MUCL1: variants seen among roughly 807,000 people sequenced by gnomAD.
MUCL1 encodes the protein mucin-like protein 1.
In MUCL1, 11 loss-of-function variants were observed where a neutral mutation model predicts 9.2. The ratio of observed to expected loss-of-function variants is 1.19; its 90% CI spans 0.75 to 1.97. MUCL1 has a LOEUF of 1.97. MUCL1 is among the 30% of genes most tolerant of loss of function. The pLI, the probability that MUCL1 is intolerant of heterozygous loss-of-function variation, is 0.00. For missense variants in MUCL1, 144 were observed against 110.9 expected (o/e 1.30, Z -1.34); for synonymous variants, 48 against 40.5 (o/e 1.19, Z -0.71).
chr12:54,851,419 C>A (rs1294651865), upstream of MUCL1, among the ~76,000 whole-genome samples: 2 of 152,190 alleles, frequency 1.3e-5, no homozygotes, highest in African/African-American at 4.8e-5. Flanking sequence ...ACATGATTAT[C>A]TCAATAGATG....
At chr12:54,843,042 C>T (rs900498978) in intron 1 of MUCL1, among the ~76,000 whole-genome samples, 18 of 152,264 alleles carry the variant, frequency 1.2e-4, no homozygotes, top group African/African-American at 3.9e-4. Flanking sequence ...AGCCTAGGAG[C>T]AATAGGCTAT....
At chr12:54,854,392 G>T, upstream of MUCL1, 1 of 564,128 alleles carries the variant, frequency 1.8e-6, no homozygotes. Context: ...CCCTGGCTGT[G>T]TTGTTGATTC....
chr12:54,831,391 T>C (rs1959185183), intron 1 of MUCL1, among the ~76,000 whole-genome samples: 3 of 152,154 alleles, frequency 2.0e-5, no homozygotes, highest in African/African-American at 4.8e-5. Flanking sequence ...ATTAGTTTAA[T>C]ATTGTTAGTT....
chr12:54,843,486 G>A (rs1959222987), intron 1 of MUCL1, among the ~76,000 whole-genome samples: 1 of 152,186 alleles, frequency 6.6e-6, no homozygotes, highest in Non-Finnish European at 1.5e-5. Flanking sequence ...TAGATGGTAT[G>A]GAAAGGTGTG....
At chr12:54,834,336 T>C (rs1276680322) in intron 1 of MUCL1, among the ~76,000 whole-genome samples, 1 of 152,112 alleles carries the variant, frequency 6.6e-6, no homozygotes, top group Non-Finnish European at 1.5e-5. Context: ...AACTACCTTT[T>C]CTTCACTTTA....
chr12:54,842,217 T>A (rs1414434086), intron 1 of MUCL1, among the ~76,000 whole-genome samples: 1 of 152,088 alleles, frequency 6.6e-6, no homozygotes, highest in East Asian at 1.9e-4. Flanking sequence ...CTGTATTTAT[T>A]ACTATTTACT....
chr12:54,857,103 T>C (rs1868306608), intron 3 of MUCL1, among the ~76,000 whole-genome samples: 2 of 152,132 alleles, frequency 1.3e-5, no homozygotes, highest in South Asian at 4.1e-4. Flanking sequence ...ATTACCTGAA[T>C]GGATCTTGAA....
upstream of MUCL1, among the ~76,000 whole-genome samples, chr12:54,852,076 A>T (rs1255460643): frequency 6.6e-6 from 1 of 152,206 alleles, no homozygotes; most frequent in Non-Finnish European, 1.5e-5. Context: ...AAATGGCCAT[A>T]CTGCCCAAGG....
upstream of MUCL1, among the ~76,000 whole-genome samples, chr12:54,835,916 T>C (rs1959192460): frequency 6.6e-6 from 1 of 152,212 alleles, no homozygotes; most frequent in South Asian, 2.1e-4. Flanking sequence ...CATCCCTGCA[T>C]CCCTGGGATG....
At chr12:54,835,508 G>A (rs1282321303), upstream of MUCL1, among the ~76,000 whole-genome samples, 1 of 151,852 alleles carries the variant, frequency 6.6e-6, no homozygotes, top group Admixed American at 6.6e-5. Context: ...CTGATGATTA[G>A]CAATGTTGAG....
Position 54,854,546 on chromosome 12 carries a change from A to G in MUCL1, c.-37A>G, listed in dbSNP as rs761290646. 6 of 1,588,330 alleles carry G rather than the reference A, an allele frequency of 3.8e-6. No individual in the cohort carries two copies. The Admixed American group carries it at 8.5e-5, about 23-fold the overall frequency. ...CTTGCCTTCTCTTAGGCTTTGAAGC[A>G]TTTTTGTCTGTGCTCCCTGATCTTC... On this transcript the variant is annotated 5_prime_UTR_variant, in exon 1 of 4. Transcript: ENST00000308796.
upstream of MUCL1, among the ~76,000 whole-genome samples, chr12:54,838,642 T>C (rs1959197393): frequency 6.6e-6 from 1 of 152,128 alleles, no homozygotes; most frequent in African/African-American, 2.4e-5. Context: ...TTTTTCTTTA[T>C]TTTTTCTGAT....
At chr12:54,841,503 T>C (rs545124189) in intron 1 of MUCL1, among the ~76,000 whole-genome samples, 2 of 152,348 alleles carry the variant, frequency 1.3e-5, no homozygotes, top group African/African-American at 4.8e-5. Context: ...TCACCAACCC[T>C]GCCGTACTTT....
chr12:54,845,534 C>T (rs1225675008), intron 1 of MUCL1, among the ~76,000 whole-genome samples: 1 of 152,076 alleles, frequency 6.6e-6, no homozygotes, highest in Non-Finnish European at 1.5e-5. Flanking sequence ...ATAATTTGGT[C>T]CCCATTCTCA....
Position 54,856,853 on chromosome 12 carries a change from A to C in MUCL1, c.184A>C (p.Thr62Pro), listed in dbSNP as rs756009441. 8 of 1,612,862 alleles carry C rather than the reference A, an allele frequency of 5.0e-6. No individual in the cohort carries two copies. The highest frequency in any genetic ancestry group is 6.8e-6 in the Non-Finnish European group (8 of 1,179,304). The stretch of plus-strand genomic sequence containing the variant: ...AACCACTGCTGCTCCTACCACTGCA[A>C]CCACCGCTGCTTCTACCACTGCTCG... ...TATTAAPTTA[T>P]TAASTTARKD... Residue 62 changes from threonine (T) to proline (P), a missense_variant, in exon 3 of 4, where the codon ACC (threonine) becomes CCC (proline). By Grantham distance (38) the Thr-to-Pro change is conservative. Coordinates refer to ENST00000308796, the MANE Select transcript of MUCL1 (RefSeq NM_058173.3).
chr12:54,840,323 A>G (rs1959204717), intron 1 of MUCL1, among the ~76,000 whole-genome samples: 1 of 152,208 alleles, frequency 6.6e-6, no homozygotes, highest in African/African-American at 2.4e-5. Flanking sequence ...GGTCATGTGC[A>G]CAGACTCAGG....
At chr12:54,843,062 C>T (rs781449738) in intron 1 of MUCL1, among the ~76,000 whole-genome samples, 2 of 152,166 alleles carry the variant, frequency 1.3e-5, no homozygotes, top group Non-Finnish European at 2.9e-5. Flanking sequence ...TACTATATAG[C>T]TTAGGTATGT....
intron 3 of MUCL1, among the ~76,000 whole-genome samples, chr12:54,857,684 G>A (rs987262699): frequency 6.6e-6 from 1 of 151,896 alleles, no homozygotes; most frequent in Non-Finnish European, 1.5e-5. Flanking sequence ...AAAGGAAATT[G>A]CACTCAAACA....
upstream of MUCL1, among the ~76,000 whole-genome samples, chr12:54,839,217 C>G (rs1283237477): frequency 6.6e-6 from 1 of 152,084 alleles, no homozygotes; most frequent in Non-Finnish European, 1.5e-5. Flanking sequence ...TATAGAGAGT[C>G]TTTGTATAGT....
Sources: gnomAD v4.1 joint callset for allele counts (sites outside exome capture counted in the v4.1 genomes callset) on GRCh38, gnomAD v4.1.1 for gene constraint, MANE v1.5 for transcripts, NCBI Gene and HGNC (gene_info 2026-07-23, HGNC 2026-07-21) for gene names.